The following RAD21L1 variants were observed in gnomAD, a reference collection of about 807,000 sequenced individuals.
RAD21L1 encodes the protein RAD21 cohesin complex component like 1, also known as double-strand-break repair protein rad21-like protein 1.
Under a neutral mutation model 69.0 loss-of-function variants are expected in RAD21L1, and 47 were observed. The observed-to-expected ratio is 0.68, with a 90% CI of 0.54 to 0.87. The LOEUF is 0.87. Ranked by LOEUF, RAD21L1 falls within the 40% of genes least tolerant of loss-of-function variation. The probability of loss-of-function intolerance (pLI) is 0.00; values close to 1 mark genes in which losing one functional copy is unlikely to be tolerated. For synonymous variants in RAD21L1, 177 were observed against 205.8 expected (o/e 0.86, Z 1.20); for missense variants, 583 against 647.6 (o/e 0.90, Z 1.08).
At chr20:1,233,315 A>T (rs2087430516) in intron 4 of RAD21L1, among the ~76,000 whole-genome samples, 2 of 152,180 alleles carry the variant, frequency 1.3e-5, no homozygotes, top group African/African-American at 2.4e-5. Context: ...GTATACATTT[A>T]AAAAAAGTAA....
At chr20:1,243,895 A>G in intron 10 of RAD21L1, 151 bp from the exon 11 acceptor site, 2 of 650,690 alleles carry the variant, frequency 3.1e-6, no homozygotes, top group Non-Finnish European at 5.3e-6. Context: ...CATATGTGAG[A>G]CTTGGGAGCA....
intron 3 of RAD21L1, chr20:1,230,949 T>G (rs940427626): frequency 7.7e-5 from 12 of 156,312 alleles, no homozygotes; most frequent in African/African-American, 2.9e-4. Context: ...TTTTAAAACA[T>G]TACAGTAATT....
At chr20:1,248,440 C>T (rs1162765979) in intron 12 of RAD21L1, among the ~76,000 whole-genome samples, 186 bp from the exon 13 acceptor site, 2 of 152,050 alleles carry the variant, frequency 1.3e-5, no homozygotes, top group African/African-American at 2.4e-5. Flanking sequence ...TGTAATTGTG[C>T]AAAGGTGGTT....
chr20:1,235,872 A>G (rs569684102), intron 5 of RAD21L1, among the ~76,000 whole-genome samples: 3 of 151,794 alleles, frequency 2.0e-5, no homozygotes, highest in Non-Finnish European at 1.5e-5. Flanking sequence ...GGCTCAAGCG[A>G]TTCTCCTGCC....
Position 1,245,104 on chromosome 20 carries a change from A to T in RAD21L1, c.1308+934A>T, listed in dbSNP as rs116049938. On this transcript the variant is annotated intron_variant, in intron 11 of 13. Coordinates refer to ENST00000683101, the MANE Select transcript of RAD21L1 (RefSeq NM_001384355.1). ...TACAACTGCAGTTATCACAGATATA[A>T]CAAGATAGATTGTCCCATGGGCTTG... 4.9e-3 allele frequency among the ~76,000 whole-genome samples: 751 copies of T among 152,312 alleles called. 4 individuals carry two copies. Among genetic ancestry groups the T allele is most frequent in the African/African-American group, 0.017 (719 of 41,574 alleles).
At chr20:1,238,752 C>CACA (rs1287256313) in intron 6 of RAD21L1, among the ~76,000 whole-genome samples, 2 of 152,044 alleles carry the variant, frequency 1.3e-5, no homozygotes, top group Non-Finnish European at 2.9e-5. Context: ...TAGACTATTT[C>CACA]ACATTATAAA....
rs567884380 is a variant in RAD21L1 at position 1,235,319 on chromosome 20, TCTCATCCTTA to T, written c.475+1132_475+1141del. 8.0e-3 allele frequency among the ~76,000 whole-genome samples: 1,213 copies of T among 152,258 alleles called. 14 individuals carry two copies. The highest frequency in any genetic ancestry group is 0.011 in the Non-Finnish European group (724 of 67,998). The stretch of plus-strand genomic sequence containing the variant: ...TTGAGCGACATCTCTAACCTCAGCT[TCTCATCCTTA>T]CTCTGCTTCCGTAACTCTTGCCATA... On this transcript the variant is annotated intron_variant, in intron 5 of 13. Transcript: ENST00000683101.
chr20:1,240,748 G>C (rs1234755350), intron 8 of RAD21L1, among the ~76,000 whole-genome samples: 1 of 152,136 alleles, frequency 6.6e-6, no homozygotes, highest in Non-Finnish European at 1.5e-5. Context: ...GCAACACCGG[G>C]AATTCACCCT....
chr20:1,239,396 A>C lies in RAD21L1; in HGVS notation c.731A>C (p.Asn244Thr). The change falls in exon 7 of 14, where the codon AAT becomes ACT. Residue 244 changes from asparagine (N) to threonine (T), a missense_variant. Asn to Thr is a moderately conservative substitution (Grantham distance 65, BLOSUM62 0). Coordinates refer to ENST00000683101, the MANE Select transcript of RAD21L1 (RefSeq NM_001384355.1). ...ATTTCCCTGCCTTCTGAGCCTCCCA[A>C]TAGTTTAGCAGGTAGGTTGAAATTT... is the stretch of plus-strand genomic sequence containing the variant. ...REISLPSEPP[N>T]SLAVEPDNSE... 1 of 1,540,608 alleles carries C rather than the reference A, an allele frequency of 6.5e-7. No individual in the cohort carries two copies. The highest frequency in any genetic ancestry group is 1.2e-5 in the South Asian group (1 of 83,730).
At chr20:1,241,369 A>T (rs978930914) in intron 8 of RAD21L1, among the ~76,000 whole-genome samples, 1 of 152,264 alleles carries the variant, frequency 6.6e-6, no homozygotes, top group Non-Finnish European at 1.5e-5. Context: ...AGTAGTAAGT[A>T]TGAATCTAAT....
chr20:1,228,436 G>A lies in RAD21L1; in HGVS notation c.-18G>A, dbSNP rs1233768760. ...GTTCTCTCTAGTTTGTTAAATACAA[G>A]TAAGGAACACAGGCAACATGTTCTA... On this transcript the variant is annotated 5_prime_UTR_variant, in exon 2 of 14. Transcript: ENST00000683101. 3 of 1,465,072 alleles carry A rather than the reference G, an allele frequency of 2.0e-6. No individual in the cohort carries two copies. Among genetic ancestry groups the A allele is most frequent in the Non-Finnish European group, 1.8e-6 (2 of 1,108,306 alleles). 90.8% of individuals were successfully genotyped at this position (1,465,072 alleles called of 1,614,324 possible). A position where few individuals can be genotyped will look rare whatever the true frequency, so the allele number is the denominator to read the frequency against.
At chr20:1,231,974 G>A (rs203535) in intron 4 of RAD21L1, among the ~76,000 whole-genome samples, 84,123 of 151,944 alleles carry the variant, frequency 0.55, 24,551 homozygotes, top group African/African-American at 0.74. Flanking sequence ...ATAAATAAAC[G>A]AATAAATATA....
At chr20:1,235,459 T>A (rs193215143) in intron 5 of RAD21L1, among the ~76,000 whole-genome samples, 89 of 152,326 alleles carry the variant, frequency 5.8e-4, no homozygotes, top group African/African-American at 2.1e-3. Context: ...TAAAATGAAT[T>A]ATTAGAAAAA....
intron 13 of RAD21L1, among the ~76,000 whole-genome samples, chr20:1,252,072 C>T (rs1172497794): frequency 6.6e-6 from 1 of 152,184 alleles, no homozygotes; most frequent in Non-Finnish European, 1.5e-5. Flanking sequence ...GATCTGCTTC[C>T]TCTCACTGTT....
rs982794022 is a variant in RAD21L1, at chr20:1,254,938, G to A, written c.*481G>A. Among the ~76,000 whole-genome samples, 1 of 152,142 alleles carries A rather than the reference G, an allele frequency of 6.6e-6. No homozygotes were observed. Among genetic ancestry groups the A allele is most frequent in the African/African-American group, 2.4e-5 (1 of 41,418 alleles). ...TTTAAAATGCTGTATGTTTTTGACAGACATTCAAAGATGTTTCTTAAAAGG... is the reference window on the plus strand; with the variant it reads ...TTTAAAATGCTGTATGTTTTTGACAAACATTCAAAGATGTTTCTTAAAAGG... On this transcript the variant is annotated 3_prime_UTR_variant, in exon 14 of 14. Coordinates refer to ENST00000683101, the MANE Select transcript of RAD21L1 (RefSeq NM_001384355.1).
At chr20:1,229,471 C>T (rs1051205530) in intron 2 of RAD21L1, among the ~76,000 whole-genome samples, 9 of 152,058 alleles carry the variant, frequency 5.9e-5, no homozygotes, top group African/African-American at 2.2e-4. Context: ...GCCAAGATTG[C>T]GCCACTGCAC....
In RAD21L1 at chr20:1,254,525, G is replaced by C. The variant is rs1186908816; in HGVS notation, c.*68G>C. On this transcript the variant is annotated 3_prime_UTR_variant, in exon 14 of 14. Coordinates refer to ENST00000683101, the MANE Select transcript of RAD21L1 (RefSeq NM_001384355.1). The stretch of plus-strand genomic sequence containing the variant: ...TGTGTAGATTGTTCAATTTAATGCA[G>C]AAGCCATCTGGAAGCAGCTGAAGGT... 8.9e-7 allele frequency: 1 copy of C among 1,128,304 alleles called. No individual in the cohort carries two copies. The highest frequency in any genetic ancestry group is 1.2e-6 in the Non-Finnish European group (1 of 834,242). The allele number at this position is 1,128,304 out of a possible 1,614,324, so 69.9% of individuals were successfully genotyped here.
intron 6 of RAD21L1, 43 bp from the exon 7 acceptor site, chr20:1,239,269 A>G (rs2087559391): frequency 1.9e-6 from 2 of 1,069,228 alleles, no homozygotes; most frequent in Admixed American, 4.5e-5. Flanking sequence ...AACAAATGAC[A>G]GATTCCAGTC....
intron 6 of RAD21L1, among the ~76,000 whole-genome samples, 153 bp downstream of exon 6, chr20:1,238,367 G>A (rs2087541769): frequency 6.6e-6 from 1 of 152,058 alleles, no homozygotes; most frequent in Non-Finnish European, 1.5e-5. Context: ...AAAGTCTGTG[G>A]CATGTTTAAA....
Sources: allele counts gnomAD v4.1 joint callset (sites outside exome capture counted in the v4.1 genomes callset), GRCh38; gene constraint gnomAD v4.1.1; transcripts MANE v1.5; gene names NCBI Gene and HGNC (gene_info 2026-07-23, HGNC 2026-07-21).